MSANTD1: variants seen among roughly 807,000 people sequenced by gnomAD.
MSANTD1 encodes the protein Myb/SANT DNA binding domain containing 1.
In MSANTD1, 7 loss-of-function variants were observed where a neutral mutation model predicts 24.2. That is an observed-to-expected ratio of 0.29 (90% confidence interval 0.16 to 0.54). The LOEUF is 0.54. MSANTD1 is among the 20% of genes least tolerant of loss of function. MSANTD1 has a pLI of 0.94. For synonymous variants in MSANTD1, 177 were observed against 181.1 expected (o/e 0.98, Z 0.18); for missense variants, 384 against 408.2 (o/e 0.94, Z 0.51).
Position 3,255,817 on chromosome 4 carries a change from A to G in MSANTD1, c.689A>G (p.Gln230Arg). Residue 230 changes from glutamine to arginine, a missense_variant, in exon 3 of 3, where the codon CAG (glutamine) becomes CGG (arginine). By Grantham distance (43) the Gln-to-Arg change is conservative (BLOSUM62 1). Coordinates refer to ENST00000438480, the MANE Select transcript of MSANTD1 (RefSeq NM_001042690.2). Reference protein sequence around the residue: ...LRLLEAMVEEQRRLSRAVEET... With the variant: ...LRLLEAMVEERRRLSRAVEET... ...CTGCTGGAGGCCATGGTGGAGGAGC[A>G]GCGCCGGCTGAGCCGCGCCGTGGAG... The G allele has an allele frequency of 6.5e-7, 1 of 1,546,336 alleles. No individual in the cohort carries two copies. Among genetic ancestry groups the G allele is most frequent in the South Asian group, 1.2e-5 (1 of 83,954 alleles).
upstream of MSANTD1, chr4:3,248,414 G>C (rs982329421): frequency 1.3e-5 from 2 of 152,844 alleles, no homozygotes; most frequent in Non-Finnish European, 2.9e-5. Context: ...GGAGTGCCCT[G>C]TGGCCTCCCC....
upstream of MSANTD1, chr4:3,248,260 G>A (rs914403313): frequency 6.6e-6 from 1 of 152,290 alleles, no homozygotes; most frequent in African/African-American, 2.4e-5. Context: ...GCCAGCCTGG[G>A]GGCATCTCAG....
At chr4:3,245,104 T>C (rs1721979587), upstream of MSANTD1, 1 of 152,284 alleles carries the variant, frequency 6.6e-6, no homozygotes, top group Non-Finnish European at 1.5e-5. Context: ...GGTCCAGGTG[T>C]GGACAGCCTG....
intron 2 of MSANTD1, among the ~76,000 whole-genome samples, chr4:3,254,205 G>A (rs1212758285): frequency 3.3e-5 from 5 of 152,158 alleles, no homozygotes; most frequent in African/African-American, 1.2e-4. Context: ...GAAGATTGTG[G>A]ATTTGAGTCA....
At chr4:3,253,526 C>T (rs774292210) in intron 2 of MSANTD1, 44 bp downstream of exon 2, 7 of 1,447,558 alleles carry the variant, frequency 4.8e-6, no homozygotes. Flanking sequence ...GGTATCTCAG[C>T]CCCCACCATT....
At chr4:3,245,272 A>T (rs958463633), upstream of MSANTD1, 1 of 152,316 alleles carries the variant, frequency 6.6e-6, no homozygotes, top group South Asian at 2.1e-4. Context: ...TCCTCATCGG[A>T]GAGCACACCC....
At chr4:3,251,418 C>T (rs181071100) in intron 1 of MSANTD1, among the ~76,000 whole-genome samples, 24 of 152,352 alleles carry the variant, frequency 1.6e-4, no homozygotes, top group Middle Eastern at 3.4e-3. Flanking sequence ...TGGGGGCCTC[C>T]ACTCCAGACC....
chr4:3,244,595 C>CA (rs1247423337), upstream of MSANTD1: 1 of 152,310 alleles, frequency 6.6e-6, no homozygotes, highest in African/African-American at 2.4e-5. Context: ...CTGCTCAGCC[C>CA]AGCGGGGATG....
chr4:3,252,838 T>C (rs1055030187), intron 1 of MSANTD1, among the ~76,000 whole-genome samples: 2 of 152,250 alleles, frequency 1.3e-5, no homozygotes, highest in African/African-American at 4.8e-5. Flanking sequence ...CTTATTACTC[T>C]ACCTTTCAAA....
At position 3,255,857 on chromosome 4, in the gene MSANTD1, G is replaced by T. The variant is rs1443652523; in HGVS notation, c.729G>T (p.Glu243Asp). The T allele has an allele frequency of 6.5e-7, 1 of 1,545,396 alleles. No homozygotes were observed. The change falls in exon 3 of 3, where the codon GAG becomes GAT. Residue 243 changes from glutamate to aspartate, a missense_variant. Coordinates refer to ENST00000438480, the MANE Select transcript of MSANTD1 (RefSeq NM_001042690.2). ...LSRAVEETCR[E>D]VRRVLDQQHI... ...GCGCCGTGGAGGAGACCTGCCGCGA[G>T]GTGCGCCGCGTGCTGGACCAGCAGC...
At chr4:3,250,236 C>T (rs992905687) in intron 1 of MSANTD1, among the ~76,000 whole-genome samples, 2 of 152,180 alleles carry the variant, frequency 1.3e-5, no homozygotes, top group African/African-American at 2.4e-5. Flanking sequence ...GGACTCCCAG[C>T]GTGGGGGCTC....
upstream of MSANTD1, chr4:3,249,148 T>G: frequency 7.8e-7 from 1 of 1,274,956 alleles, no homozygotes; most frequent in Admixed American, 3.7e-5. Context: ...TTAACTAAAT[T>G]CCTGCCTGTC....
At chr4:3,249,693 C>T (rs1185431005) in intron 1 of MSANTD1, 151 bp downstream of exon 1, 24 of 719,778 alleles carry the variant, frequency 3.3e-5, no homozygotes, top group South Asian at 3.8e-5. Context: ...CAGAACCCCA[C>T]GGGGTGAGAC....
chr4:3,255,932 G>A lies in MSANTD1; in HGVS notation c.804G>A (p.Leu268=), dbSNP rs755612789. The A allele has an allele frequency of 5.8e-6, 9 of 1,542,338 alleles. No individual in the cohort carries two copies. In the South Asian group the frequency reaches 6.0e-5, roughly 10 times the overall value. ...SLQLQERMMS[L]LERIITKSSV ...AGCTGCAGGAGCGCATGATGAGTCT[G>A]CTGGAGAGGATCATCACCAAGTCCA... The change falls in exon 3 of 3, where the codon CTG becomes CTA. Residue 268 remains leucine (L), a synonymous_variant. Coordinates refer to ENST00000438480, the MANE Select transcript of MSANTD1 (RefSeq NM_001042690.2).
chr4:3,256,269 T>A lies in MSANTD1; in HGVS notation c.*304T>A, dbSNP rs952597785. 1.2e-5 allele frequency: 3 copies of A among 259,490 alleles called. No individual in the cohort carries two copies. The highest frequency in any genetic ancestry group is 6.7e-5 in the African/African-American group (3 of 45,006). The allele number at this position is 259,490 out of a possible 1,614,324, so 16.1% of individuals were successfully genotyped here. ...CCAGTGTCGTTACTATCAATGATAC[T>A]TGACGTGGCTTTGATATTAAACGTA... On this transcript the variant is annotated 3_prime_UTR_variant, in exon 3 of 3. Transcript: ENST00000438480.
chr4:3,256,137 G>C lies in MSANTD1; in HGVS notation c.*172G>C. On this transcript the variant is annotated 3_prime_UTR_variant, in exon 3 of 3. Coordinates refer to ENST00000438480, the MANE Select transcript of MSANTD1 (RefSeq NM_001042690.2). ...TGAGGGGTATTTTGAGGAACCCCCA[G>C]GCCCTGGGGACCGTGAGGCTCCAGT... 1 of 755,682 alleles carries C rather than the reference G, an allele frequency of 1.3e-6. No homozygotes were observed. Among genetic ancestry groups the C allele is most frequent in the African/African-American group, 1.9e-5 (1 of 53,562 alleles). 46.8% of individuals were successfully genotyped at this position (755,682 alleles called of 1,614,324 possible).
At chr4:3,251,662 TA>T (rs1722231510) in intron 1 of MSANTD1, among the ~76,000 whole-genome samples, 1 of 151,880 alleles carries the variant, frequency 6.6e-6, no homozygotes, top group African/African-American at 2.4e-5. Context: ...AGTCTCCCCA[TA>T]GCAGAGGCTT....
chr4:3,244,872 G>T (rs1721972128), upstream of MSANTD1: 1 of 152,322 alleles, frequency 6.6e-6, no homozygotes, highest in South Asian at 2.1e-4. Context: ...TGCTCCTCTT[G>T]GGCACGTGCG....
upstream of MSANTD1, chr4:3,246,713 C>T (rs140952430): frequency 1.5e-4 from 102 of 682,130 alleles, no homozygotes; most frequent in African/African-American, 1.4e-3. Flanking sequence ...GGGGACCCTC[C>T]CAGGCAGGAG....
Sources: allele counts gnomAD v4.1 joint callset (sites outside exome capture counted in the v4.1 genomes callset), GRCh38; gene constraint gnomAD v4.1.1; transcripts MANE v1.5; gene names NCBI Gene and HGNC (gene_info 2026-07-23, HGNC 2026-07-21).